The following IQCH variants were observed in gnomAD, a reference collection of about 807,000 sequenced individuals.
The protein encoded by IQCH is IQ motif containing H.
Under a neutral mutation model 117.0 loss-of-function variants are expected in IQCH, and 98 were observed. The ratio of observed to expected loss-of-function variants is 0.84; its 90% CI spans 0.71 to 0.99. The LOEUF (loss-of-function observed/expected upper bound fraction) is 0.99, where lower values mean the gene tolerates loss of function less well. IQCH is among the 50% of genes least tolerant of loss of function. The pLI, the probability that IQCH is intolerant of heterozygous loss-of-function variation, is 0.00. For missense variants in IQCH, 1,102 were observed against 1,243.8 expected (o/e 0.89, Z 1.72); for synonymous variants, 412 against 448.2 (o/e 0.92, Z 1.02).
chr15:67,261,093 C>CA (rs5813432), intron 1 of IQCH, among the ~76,000 whole-genome samples, 179 bp from the exon 2 acceptor site: 62,790 of 126,204 alleles, frequency 0.5, 15,427 homozygotes, highest in Non-Finnish European at 0.56. Flanking sequence ...AATTCCATCT[C>CA]AAAAAAAAAA....
In IQCH at chr15:67,381,419, G is replaced by A. The variant is rs947176220; in HGVS notation, c.1373-3517G>A. ...CACAACTGCTTATTTGAGAAAAGAC[G>A]GAACTCTCTATCAAACTAGGAATAT... is the stretch of plus-strand genomic sequence containing the variant. On this transcript the variant is annotated intron_variant, in intron 10 of 20. Transcript: ENST00000335894. The surrounding 1 kb of genome is among the most constrained non-coding windows in gnomAD (Gnocchi z 5.1). Among the ~76,000 whole-genome samples the A allele has an allele frequency of 6.6e-6, 1 of 152,216 alleles. No individual in the cohort carries two copies. Among genetic ancestry groups the A allele is most frequent in the Non-Finnish European group, 1.5e-5 (1 of 68,010 alleles).
intron 16 of IQCH, among the ~76,000 whole-genome samples, chr15:67,449,380 C>T (rs1177236215): frequency 1.3e-5 from 2 of 152,170 alleles, no homozygotes; most frequent in East Asian, 1.9e-4. Flanking sequence ...AGTCTTTAAT[C>T]CATCTTGAAT....
chr15:67,268,320 G>A (rs1416093517), intron 3 of IQCH, among the ~76,000 whole-genome samples: 1 of 152,192 alleles, frequency 6.6e-6, no homozygotes, highest in Non-Finnish European at 1.5e-5. Flanking sequence ...TGTCAAAAGA[G>A]CTCAAAGTGC....
At chr15:67,410,173 C>T (rs1354973592) in intron 14 of IQCH, among the ~76,000 whole-genome samples, 1 of 152,166 alleles carries the variant, frequency 6.6e-6, no homozygotes, top group African/African-American at 2.4e-5. Flanking sequence ...GGTTGATTCC[C>T]CCATTTGCAT....
At chr15:67,435,090 C>T (rs949106948) in intron 16 of IQCH, among the ~76,000 whole-genome samples, 2 of 151,020 alleles carry the variant, frequency 1.3e-5, no homozygotes, top group South Asian at 2.1e-4. Context: ...CTCCTGACCT[C>T]GTGATCCACC....
Position 67,372,388 on chromosome 15 carries a change from C to T in IQCH, c.1031C>T (p.Ser344Leu), listed in dbSNP as rs757582780. 1.2e-6 allele frequency: 2 copies of T among 1,614,136 alleles called. No homozygotes were observed. The highest frequency in any genetic ancestry group is 1.7e-6 in the Non-Finnish European group (2 of 1,180,014). ...AAACTTACCAGATATGACCTTCTCTCAGTGTTAGAGGACCCAGCTCATGTC... is the reference window on the plus strand; with the variant it reads ...AAACTTACCAGATATGACCTTCTCTTAGTGTTAGAGGACCCAGCTCATGTC... ...TNKLTRYDLL[S>L]VLEDPAHVQM... The change falls in exon 9 of 21, where the codon TCA becomes TTA. Residue 344 changes from serine (S) to leucine (L), a missense_variant. Transcript: ENST00000335894.
chr15:67,438,914 C>G (rs2082200084), intron 16 of IQCH, among the ~76,000 whole-genome samples: 1 of 152,180 alleles, frequency 6.6e-6, no homozygotes, highest in Non-Finnish European at 1.5e-5. Context: ...AAAACAATTA[C>G]TAATAGACCA....
chr15:67,258,942 G>A (rs1279045672), intron 1 of IQCH, among the ~76,000 whole-genome samples: 1 of 152,178 alleles, frequency 6.6e-6, no homozygotes, highest in Non-Finnish European at 1.5e-5. Flanking sequence ...TATACAAACA[G>A]ATGAGTGGTT....
At chr15:67,362,166 CACACAT>C (rs1351476113) in intron 8 of IQCH, among the ~76,000 whole-genome samples, 1 of 151,494 alleles carries the variant, frequency 6.6e-6, no homozygotes, top group African/African-American at 2.4e-5. Flanking sequence ...CACACACACA[CACACAT>C]ACACACGTAT....
chr15:67,486,484 C>T (rs1249980317), intron 18 of IQCH, among the ~76,000 whole-genome samples: 3 of 151,930 alleles, frequency 2.0e-5, no homozygotes, highest in Admixed American at 6.6e-5. Context: ...GGATATGAAA[C>T]CTCTGTGAAC....
intron 4 of IQCH, among the ~76,000 whole-genome samples, chr15:67,289,886 A>C (rs1286729051): frequency 6.6e-6 from 1 of 152,124 alleles, no homozygotes; most frequent in Non-Finnish European, 1.5e-5. Flanking sequence ...CAAACAATAT[A>C]TATTACACAA....
rs1233854812 is a variant in IQCH, at chr15:67,381,125, T to C, written c.1373-3811T>C. Reference sequence around the variant, plus strand: ...TCACTCAGTGTGGCCTTGCTCATGTTCTTGGGTTTCTGTGGTTACTGTGAA... The same window carrying C: ...TCACTCAGTGTGGCCTTGCTCATGTCCTTGGGTTTCTGTGGTTACTGTGAA... On this transcript the variant is annotated intron_variant, in intron 10 of 20. Transcript: ENST00000335894. This position sits in a 1 kb window ranked among gnomAD's most constrained non-coding sequence, Gnocchi z 5.1. Among the ~76,000 whole-genome samples the C allele has an allele frequency of 1.3e-5, 2 of 152,230 alleles. No individual in the cohort carries two copies. The highest frequency in any genetic ancestry group is 2.9e-5 in the Non-Finnish European group (2 of 68,042).
intron 10 of IQCH, among the ~76,000 whole-genome samples, chr15:67,379,746 G>A (rs1019507323): frequency 3.3e-5 from 5 of 152,108 alleles, no homozygotes; most frequent in African/African-American, 1.2e-4. Context: ...TGTGAAGAAG[G>A]TCTTTGTTTC....
chr15:67,282,880 T>A (rs1966419806), intron 4 of IQCH, among the ~76,000 whole-genome samples: 1 of 152,222 alleles, frequency 6.6e-6, no homozygotes, highest in South Asian at 2.1e-4. Context: ...TTAAGAATCG[T>A]AATTTAGAAT....
chr15:67,414,669 T>A (rs1277651255), intron 14 of IQCH, among the ~76,000 whole-genome samples: 5 of 147,590 alleles, frequency 3.4e-5, no homozygotes, highest in South Asian at 4.2e-4. Context: ...AAAAAATATA[T>A]ATATATATAA....
chr15:67,461,734 G>A (rs965581076), intron 16 of IQCH, among the ~76,000 whole-genome samples: 3 of 152,204 alleles, frequency 2.0e-5, no homozygotes, highest in Admixed American at 6.5e-5. Flanking sequence ...AAACTATGAG[G>A]CTGCTTTTTT....
chr15:67,334,066 A>T (rs546001276), intron 4 of IQCH, among the ~76,000 whole-genome samples: 3 of 152,242 alleles, frequency 2.0e-5, no homozygotes, highest in Non-Finnish European at 4.4e-5. Context: ...TGAAAAAAAA[A>T]TTTTAAGCTA....
intron 6 of IQCH, among the ~76,000 whole-genome samples, chr15:67,355,313 G>A (rs1017569212): frequency 3.3e-5 from 5 of 152,110 alleles, no homozygotes; most frequent in South Asian, 2.1e-4. Flanking sequence ...CTGGCCGGGC[G>A]CGGTGGCTCA....
At chr15:67,442,341 C>T (rs1340106953) in intron 16 of IQCH, among the ~76,000 whole-genome samples, 2 of 151,468 alleles carry the variant, frequency 1.3e-5, no homozygotes, top group African/African-American at 2.4e-5. Context: ...ATCCAGGAGG[C>T]GGAGGTTGTG....
Sources: gnomAD v4.1 joint callset for allele counts (sites outside exome capture counted in the v4.1 genomes callset) on GRCh38, gnomAD v4.1.1 for gene constraint, Gnocchi (gnomAD v3.1) non-coding constraint, MANE v1.5 for transcripts, NCBI Gene and HGNC (gene_info 2026-07-23, HGNC 2026-07-21) for gene names.